Variants in FLRT1 observed in about 807,000 individuals in gnomAD.
FLRT1 encodes the protein fibronectin leucine rich transmembrane protein 1.
A neutral mutation model predicts 30.9 loss-of-function variants in FLRT1; 14 were observed. The ratio of observed to expected loss-of-function variants is 0.45; its 90% CI spans 0.30 to 0.71. FLRT1 has a LOEUF of 0.71. Ranked by LOEUF, FLRT1 falls within the 30% of genes least tolerant of loss-of-function variation. FLRT1 has a pLI of 0.08. For synonymous variants in FLRT1, 368 were observed against 430.4 expected, an observed-to-expected ratio of 0.85 and a Z score of 1.80; for missense variants, 737 against 949.2, an observed-to-expected ratio of 0.78 and a Z score of 2.94.
chr11:64,099,691 G>A (rs546762549), intron 1 of FLRT1, among the ~76,000 whole-genome samples: 1 of 152,038 alleles, frequency 6.6e-6, no homozygotes, highest in Non-Finnish European at 1.5e-5. Flanking sequence ...GGGATGGATG[G>A]ATGAAGAGTT....
chr11:64,040,707 G>C (rs1943468198), intron 1 of FLRT1, among the ~76,000 whole-genome samples: 1 of 152,210 alleles, frequency 6.6e-6, no homozygotes, highest in Admixed American at 6.5e-5. Context: ...AGAGCTATTA[G>C]TGATGAAGGA....
Position 64,118,212 on chromosome 11 carries a change from G to A in FLRT1, c.1945G>A (p.Ala649Thr). 6.2e-7 allele frequency: 1 copy of A among 1,613,268 alleles called. No individual in the cohort carries two copies. The highest frequency in any genetic ancestry group is 8.5e-7 in the Non-Finnish European group (1 of 1,179,834). ...CTCCAACGGCAGCAGCCTCTGCAAG[G>A]CCACACACACCATTGGCTACGGCAC... is the stretch of plus-strand genomic sequence containing the variant. ...FPSNGSSLCK[A>T]THTIGYGTTR... The change falls in exon 3 of 3, where the codon GCC becomes ACC. Residue 649 changes from alanine to threonine, a missense_variant. Ala to Thr is a moderately conservative substitution (Grantham distance 58). Coordinates refer to ENST00000682287, the MANE Select transcript of FLRT1 (RefSeq NM_013280.5).
At chr11:64,040,909 G>A (rs1943472290) in intron 1 of FLRT1, among the ~76,000 whole-genome samples, 1 of 152,090 alleles carries the variant, frequency 6.6e-6, no homozygotes, top group Admixed American at 6.5e-5. Context: ...CCGACGTCCG[G>A]CCAGGCCCCA....
In FLRT1 at chr11:64,117,268, G is replaced by A; in HGVS notation, c.1001G>A (p.Cys334Tyr). Reference protein sequence around the residue: ...LLRNNPWFCGCNLMWLRDWVK... With the variant: ...LLRNNPWFCGYNLMWLRDWVK... Reference sequence around the variant, plus strand: ...AGGAACAACCCTTGGTTTTGTGGCTGCAACCTCATGTGGCTGCGGGACTGG... The same window carrying A: ...AGGAACAACCCTTGGTTTTGTGGCTACAACCTCATGTGGCTGCGGGACTGG... The change falls in exon 3 of 3, where the codon TGC becomes TAC. Residue 334 changes from cysteine (C) to tyrosine (Y), a missense_variant. Transcript: ENST00000682287. 3.1e-6 allele frequency: 5 copies of A among 1,614,208 alleles called. No individual in the cohort carries two copies. Among genetic ancestry groups the A allele is most frequent in the Non-Finnish European group, 4.2e-6 (5 of 1,180,024 alleles).
intron 1 of FLRT1, among the ~76,000 whole-genome samples, chr11:64,099,959 G>A (rs553484671): frequency 6.6e-6 from 1 of 152,260 alleles, no homozygotes; most frequent in African/African-American, 2.4e-5. Flanking sequence ...AGAAGCCCAG[G>A]ACCCCTCAGT....
In FLRT1 at chr11:64,117,857, C is replaced by G. The variant is rs764534225; in HGVS notation, c.1590C>G (p.Ala530=). ...CCGTGTGTGCCAAGGCAGAGACAGC[C>G]GACAGCTATGGCCCTACCACCACAC... is the stretch of plus-strand genomic sequence containing the variant. ...ETPVCAKAET[A]DSYGPTTTLN... The change falls in exon 3 of 3, where the codon GCC becomes GCG. Residue 530 remains alanine (A), a synonymous_variant. Transcript: ENST00000682287. The G allele has an allele frequency of 9.3e-6, 15 of 1,614,166 alleles. No homozygotes were observed. The highest frequency in any genetic ancestry group is 1.3e-5 in the Non-Finnish European group (15 of 1,180,044).
rs540365449 is a variant in FLRT1, at chr11:64,108,092, T to C, written c.-50+3911T>C. Among the ~76,000 whole-genome samples, 21 of 152,208 alleles carry C rather than the reference T, an allele frequency of 1.4e-4. No individual in the cohort carries two copies. The South Asian group carries it at 4.2e-3, about 30-fold the overall frequency. The stretch of plus-strand genomic sequence containing the variant: ...ACTTTGGGAGGCCGAGGCGGGCAGA[T>C]CACCTGAGGTCAGGAGTTAGTGACC... On this transcript the variant is annotated intron_variant, in intron 2 of 2. Coordinates refer to ENST00000682287, the MANE Select transcript of FLRT1 (RefSeq NM_013280.5).
At chr11:64,038,591 C>T (rs1452407353) in intron 1 of FLRT1, among the ~76,000 whole-genome samples, 1 of 152,184 alleles carries the variant, frequency 6.6e-6, no homozygotes, top group African/African-American at 2.4e-5. Flanking sequence ...TAGCTGGGCA[C>T]AGCCACCTCT....
rs1263672729 is a variant in FLRT1, at chr11:64,118,959, C to T, written c.*667C>T. The T allele has an allele frequency of 1.8e-5, 3 of 166,592 alleles. No individual in the cohort carries two copies. Among genetic ancestry groups the T allele is most frequent in the Non-Finnish European group, 2.9e-5 (2 of 68,008 alleles). The allele number at this position is 166,592 out of a possible 1,614,324, so 10.3% of individuals were successfully genotyped here. ...AAAAAACAAACTTTTTTTTCCTAGG[C>T]TGAAGCCCTCTTCAGTTCCATGCAC... On this transcript the variant is annotated 3_prime_UTR_variant, in exon 3 of 3. Transcript: ENST00000682287.
chr11:64,111,594 C>G (rs1944863774), intron 2 of FLRT1, among the ~76,000 whole-genome samples: 2 of 152,180 alleles, frequency 1.3e-5, no homozygotes, highest in East Asian at 3.9e-4. Context: ...GGCTGCTGGG[C>G]TGTGAAATGA....
chr11:64,039,374 G>GC (rs1219855593), intron 1 of FLRT1, among the ~76,000 whole-genome samples: 1 of 152,176 alleles, frequency 6.6e-6, no homozygotes, highest in East Asian at 1.9e-4. Flanking sequence ...CCTGGCTGCT[G>GC]CCCCCGGTGT....
At chr11:64,104,931 A>G (rs1289927057) in intron 2 of FLRT1, among the ~76,000 whole-genome samples, 2 of 152,104 alleles carry the variant, frequency 1.3e-5, no homozygotes, top group Non-Finnish European at 2.9e-5. Flanking sequence ...CAGCAACCTC[A>G]AGCCTCTGTG....
intron 1 of FLRT1, among the ~76,000 whole-genome samples, chr11:64,069,943 C>CT (rs1944076290): frequency 6.6e-6 from 1 of 152,044 alleles, no homozygotes. Context: ...GAGCCCGACT[C>CT]GCGCCCAGTG....
chr11:64,053,278 T>C (rs1943727428), intron 1 of FLRT1, among the ~76,000 whole-genome samples: 1 of 152,028 alleles, frequency 6.6e-6, no homozygotes, highest in Non-Finnish European at 1.5e-5. Flanking sequence ...CGTTAGGAGG[T>C]AGTTTTCCTG....
At chr11:64,104,974 A>G (rs982254013) in intron 2 of FLRT1, among the ~76,000 whole-genome samples, 12 of 152,116 alleles carry the variant, frequency 7.9e-5, no homozygotes, top group African/African-American at 2.9e-4. Flanking sequence ...CCAATTCATT[A>G]CCAAGATGGA....
intron 1 of FLRT1, among the ~76,000 whole-genome samples, chr11:64,088,082 G>T (rs1944425962): frequency 6.6e-6 from 1 of 152,146 alleles, no homozygotes; most frequent in Non-Finnish European, 1.5e-5. Flanking sequence ...TCTTCCCATA[G>T]GCACTTGGCC....
At chr11:64,110,817 CACA>C (rs1198834460) in intron 2 of FLRT1, among the ~76,000 whole-genome samples, 1 of 152,174 alleles carries the variant, frequency 6.6e-6, no homozygotes, top group Non-Finnish European at 1.5e-5. Flanking sequence ...CTATGAAACA[CACA>C]ACAAGGGAAT....
At chr11:64,070,756 GATTT>G (rs1944093829) in intron 1 of FLRT1, among the ~76,000 whole-genome samples, 1 of 152,220 alleles carries the variant, frequency 6.6e-6, no homozygotes, top group African/African-American at 2.4e-5. Flanking sequence ...AATAAAAATG[GATTT>G]ATTTGTTCGT....
At chr11:64,100,587 G>C (rs1322804166) in intron 1 of FLRT1, among the ~76,000 whole-genome samples, 1 of 152,190 alleles carries the variant, frequency 6.6e-6, no homozygotes. Context: ...GTGTCTGCCA[G>C]GCGCACGCAT....
Sources: gnomAD v4.1 joint callset for allele counts (sites outside exome capture counted in the v4.1 genomes callset) on GRCh38, gnomAD v4.1.1 for gene constraint, MANE v1.5 for transcripts, NCBI Gene and HGNC (gene_info 2026-07-23, HGNC 2026-07-21) for gene names.